The following DENND10 variants were observed in gnomAD, a reference collection of about 807,000 sequenced individuals.
DENND10 encodes the protein DENN domain containing 10.
A neutral mutation model predicts 43.6 loss-of-function variants in DENND10; 24 were observed. The ratio of observed to expected loss-of-function variants is 0.55; its 90% CI spans 0.40 to 0.77. The LOEUF is 0.77. Among genes scored for constraint, DENND10 ranks in the 30% least tolerant of loss-of-function variants. The pLI is 0.00. For synonymous variants in DENND10, 125 were observed against 157.6 expected, an observed-to-expected ratio of 0.79 and a Z score of 1.55; for missense variants, 303 against 429.9, an observed-to-expected ratio of 0.70 and a Z score of 2.61.
intron 3 of DENND10, 119 bp downstream of exon 3, chr10:119,112,047 T>C (rs1183649109): frequency 1.4e-6 from 1 of 732,896 alleles, no homozygotes; most frequent in Non-Finnish European, 2.4e-6. Context: ...AGCATAATCT[T>C]TAGTAGCCCT....
rs781418384 is a variant in DENND10, at chr10:119,132,115, C to T, written c.803-400C>T. Among the ~76,000 whole-genome samples the T allele has an allele frequency of 3.3e-5, 5 of 152,192 alleles. No individual in the cohort carries two copies. The highest frequency in any genetic ancestry group is 7.3e-5 in the Non-Finnish European group (5 of 68,042). On this transcript the variant is annotated intron_variant, in intron 7 of 8. Transcript: ENST00000361432. This position sits in a 1 kb window ranked among gnomAD's most constrained non-coding sequence, Gnocchi z 4.2. Reference sequence around the variant, plus strand: ...TCTGCAGAACTGACAGGAAGCTCCTCTTTCACAATATTCCCGCCAAAAAGA... The same window carrying T: ...TCTGCAGAACTGACAGGAAGCTCCTTTTTCACAATATTCCCGCCAAAAAGA...
chr10:119,127,147 T>A (rs1201912835), intron 6 of DENND10, among the ~76,000 whole-genome samples: 1 of 151,288 alleles, frequency 6.6e-6, no homozygotes, highest in Non-Finnish European at 1.5e-5. Context: ...TCAACAGTCC[T>A]CCCGCCTTGG....
intron 6 of DENND10, among the ~76,000 whole-genome samples, chr10:119,124,520 G>A (rs181224460): frequency 1.3e-5 from 2 of 152,030 alleles, no homozygotes; most frequent in East Asian, 1.9e-4. Flanking sequence ...CAGCCAGGGC[G>A]ACAGAGCGAG....
chr10:119,137,205 C>T lies in DENND10; in HGVS notation c.*558C>T, dbSNP rs1435600335. 7 of 158,176 alleles carry T rather than the reference C, an allele frequency of 4.4e-5. No individual in the cohort carries two copies. Among genetic ancestry groups the T allele is most frequent in the Non-Finnish European group, 7.5e-5 (5 of 66,430 alleles). 9.8% of individuals were successfully genotyped at this position (158,176 alleles called of 1,614,324 possible). A position where few individuals can be genotyped will look rare whatever the true frequency, so the allele number is the denominator to read the frequency against. ...AAAAAAAAAAAAAAAAGGTTTTTCC[C>T]GGCCTTTGAACATTTTGCCTATGAG... On this transcript the variant is annotated 3_prime_UTR_variant, in exon 9 of 9. Transcript: ENST00000361432.
chr10:119,123,286 A>G (rs1407807043), intron 5 of DENND10, among the ~76,000 whole-genome samples, 183 bp from the exon 6 acceptor site: 2 of 152,072 alleles, frequency 1.3e-5, no homozygotes, highest in Non-Finnish European at 2.9e-5. Context: ...AAATAGTAAA[A>G]CATTGCATTG....
rs923701439 is a variant in DENND10, at chr10:119,137,867, G to A, written c.*1220G>A. The A allele has an allele frequency of 1.2e-5, 2 of 165,778 alleles. No homozygotes were observed. Among genetic ancestry groups the A allele is most frequent in the African/African-American group, 2.4e-5 (1 of 40,884 alleles). 10.3% of individuals were successfully genotyped at this position (165,778 alleles called of 1,614,324 possible). On this transcript the variant is annotated 3_prime_UTR_variant, in exon 9 of 9. Transcript: ENST00000361432. ...AATTAAATCTGCACTTTATGGAAAT[G>A]AGGAATATTAACATCTTTTTTCTCA...
chr10:119,116,277 A>ATGAATT (rs1845270528), intron 3 of DENND10, among the ~76,000 whole-genome samples: 1 of 152,206 alleles, frequency 6.6e-6, no homozygotes, highest in Non-Finnish European at 1.5e-5. Flanking sequence ...CTTTAACTTG[A>ATGAATT]CGATGAATGT....
chr10:119,112,098 A>T (rs1283417053), intron 3 of DENND10, among the ~76,000 whole-genome samples, 170 bp downstream of exon 3: 1 of 152,140 alleles, frequency 6.6e-6, no homozygotes, highest in Non-Finnish European at 1.5e-5. Flanking sequence ...TGCTCTGTTG[A>T]TACTTCTCTT....
At chr10:119,127,268 G>A (rs1210624108) in intron 6 of DENND10, among the ~76,000 whole-genome samples, 1 of 151,982 alleles carries the variant, frequency 6.6e-6, no homozygotes, top group Non-Finnish European at 1.5e-5. Flanking sequence ...AATTTTTTGT[G>A]TAGTGTGTGA....
chr10:119,122,608 A>G (rs1358179222), intron 5 of DENND10, among the ~76,000 whole-genome samples: 1 of 152,154 alleles, frequency 6.6e-6, no homozygotes, highest in Non-Finnish European at 1.5e-5. Flanking sequence ...GAGCGGTCAC[A>G]GCTTCTGAGA....
At chr10:119,108,937 G>A (rs890641605) in intron 2 of DENND10, among the ~76,000 whole-genome samples, 17 of 45,410 alleles carry the variant, frequency 3.7e-4, no homozygotes, top group Admixed American at 3.4e-3. Flanking sequence ...AAGGCAGGCC[G>A]AGCGTGTTGG....
intron 3 of DENND10, among the ~76,000 whole-genome samples, chr10:119,112,155 A>G (rs1045650034): frequency 2.0e-5 from 3 of 152,096 alleles, no homozygotes; most frequent in Non-Finnish European, 4.4e-5. Context: ...TTTTATAGCT[A>G]TTGTAGCTCC....
intron 8 of DENND10, chr10:119,134,306 TG>T (rs199662102): frequency 0.067 from 10,144 of 151,570 alleles, 870 homozygotes; most frequent in African/African-American, 0.2. Flanking sequence ...CCCAGAGTGC[TG>T]GGGATTACAG....
At chr10:119,127,990 G>A (rs1845907879) in intron 6 of DENND10, among the ~76,000 whole-genome samples, 1 of 151,468 alleles carries the variant, frequency 6.6e-6, no homozygotes, top group East Asian at 2.0e-4. Context: ...AATTGGTCCT[G>A]TATTAGTGTG....
intron 3 of DENND10, among the ~76,000 whole-genome samples, chr10:119,115,333 A>G (rs1308374020): frequency 6.7e-6 from 1 of 149,294 alleles, no homozygotes; most frequent in East Asian, 2.0e-4. Context: ...AGCTCACCAC[A>G]TTCATTGTTC....
chr10:119,118,596 T>C (rs1845406904), intron 4 of DENND10, among the ~76,000 whole-genome samples: 1 of 152,160 alleles, frequency 6.6e-6, no homozygotes, highest in Non-Finnish European at 1.5e-5. Context: ...AGCATCCCTG[T>C]TGAGGTGGTA....
intron 6 of DENND10, 139 bp from the exon 7 acceptor site, chr10:119,129,376 T>C (rs1389183286): frequency 1.6e-6 from 1 of 627,908 alleles, no homozygotes; most frequent in East Asian, 2.8e-5. Flanking sequence ...TCTTACTAAC[T>C]GCCACAGGGT....
intron 2 of DENND10, among the ~76,000 whole-genome samples, chr10:119,109,985 A>G (rs1020962346): frequency 6.6e-6 from 1 of 151,282 alleles, no homozygotes; most frequent in Admixed American, 6.6e-5. Flanking sequence ...GCTAGTTTTT[A>G]AATTTTTTGT....
rs146305040 is a variant in DENND10, at chr10:119,112,975, G to A, written c.332+1047G>A. Among the ~76,000 whole-genome samples, 139 of 151,046 alleles carry A rather than the reference G, an allele frequency of 9.2e-4. 1 individual carries two copies. The East Asian group carries it at 0.024, about 27-fold the overall frequency. ...AGCGATTCTCTTGCCTCAGCCTCCC[G>A]AGTAACTGAGATTACAGGTGGGTGC... is the stretch of plus-strand genomic sequence containing the variant. On this transcript the variant is annotated intron_variant, in intron 3 of 8. Transcript: ENST00000361432.
Sources: allele counts gnomAD v4.1 joint callset (sites outside exome capture counted in the v4.1 genomes callset), GRCh38; gene constraint gnomAD v4.1.1; non-coding constraint Gnocchi (gnomAD v3.1); transcripts MANE v1.5; gene names NCBI Gene and HGNC (gene_info 2026-07-23, HGNC 2026-07-21).